SREBF2: variants seen among roughly 807,000 people sequenced by gnomAD.
SREBF2 encodes the protein sterol regulatory element-binding protein 2.
In SREBF2, 55 loss-of-function variants were observed where a neutral mutation model predicts 113.1. The ratio of observed to expected loss-of-function variants is 0.49; its 90% CI spans 0.39 to 0.61. The LOEUF (loss-of-function observed/expected upper bound fraction) is 0.61. Among genes scored for constraint, SREBF2 ranks in the 20% least tolerant of loss-of-function variants. The pLI, the probability that SREBF2 is intolerant of heterozygous loss-of-function variation, is 0.00. For missense variants in SREBF2, 1,349 were observed against 1,487.4 expected (o/e 0.91, Z 1.53); for synonymous variants, 593 against 605.7 (o/e 0.98, Z 0.31).
chr22:41,839,939 A>C (rs2076812011), intron 1 of SREBF2, among the ~76,000 whole-genome samples: 1 of 144,430 alleles, frequency 6.9e-6, no homozygotes, highest in South Asian at 2.2e-4. Flanking sequence ...AGTCCCATTT[A>C]TTCACATGCT....
chr22:41,897,219 C>A, intron 14 of SREBF2, 58 bp downstream of exon 14: 2 of 1,234,982 alleles, frequency 1.6e-6, no homozygotes, highest in Non-Finnish European at 2.3e-6. Context: ...CTTCACAGTG[C>A]TTTTGCCCCA....
At position 41,875,628 on chromosome 22, in the gene SREBF2, G is replaced by C. The variant is rs1356930108; in HGVS notation, c.1290G>C (p.Leu430=). 8 of 1,614,196 alleles carry C rather than the reference G, an allele frequency of 5.0e-6. No homozygotes were observed. The highest frequency in any genetic ancestry group is 1.3e-5 in the African/African-American group (1 of 75,038). ...AGGACTTTAATCAGAATGTCCTTCT[G>C]ATGTCCCCCCCAGCCTCTGACTCAG... ...KIEDFNQNVL[L]MSPPASDSGS... is the part of the protein sequence containing the mutation. The change falls in exon 7 of 19, where the codon CTG becomes CTC. Residue 430 remains leucine, a synonymous_variant. Coordinates refer to ENST00000361204, the MANE Select transcript of SREBF2 (RefSeq NM_004599.4).
intron 11 of SREBF2, among the ~76,000 whole-genome samples, chr22:41,890,962 A>T (rs1388457216): frequency 6.6e-6 from 1 of 151,962 alleles, no homozygotes; most frequent in Non-Finnish European, 1.5e-5. Context: ...TTACTTAGTG[A>T]TTTCCACATT....
chr22:41,855,252 G>C (rs1258581245), intron 1 of SREBF2, among the ~76,000 whole-genome samples: 1 of 152,190 alleles, frequency 6.6e-6, no homozygotes, highest in South Asian at 2.1e-4. Flanking sequence ...GCCAGATTCC[G>C]TGGTTCATGC....
intron 1 of SREBF2, among the ~76,000 whole-genome samples, chr22:41,859,905 T>A (rs2077010872): frequency 1.4e-5 from 2 of 145,246 alleles, no homozygotes; most frequent in Non-Finnish European, 3.0e-5. Context: ...TCCCAGGTTC[T>A]CGCCATTCTC....
intron 15 of SREBF2, chr22:41,899,923 A>C (rs1442959551): frequency 1.8e-6 from 2 of 1,135,404 alleles, no homozygotes; most frequent in Non-Finnish European, 2.2e-6. Flanking sequence ...CTACAGAAAG[A>C]AGCTAACTAA....
At chr22:41,848,355 G>A (rs2076897541) in intron 1 of SREBF2, among the ~76,000 whole-genome samples, 1 of 152,060 alleles carries the variant, frequency 6.6e-6, no homozygotes, top group Non-Finnish European at 1.5e-5. Context: ...CCAAAGTGCT[G>A]GGATTACAGG....
Position 41,899,071 on chromosome 22 carries a change from G to A in SREBF2, c.2738+290G>A, listed in dbSNP as rs930421866. ...CCTTCATGGCGCCACAGGCTGAAAAGAAGAGACGAGAGCAGTGTGGCCCCC... is the reference window on the plus strand; with the variant it reads ...CCTTCATGGCGCCACAGGCTGAAAAAAAGAGACGAGAGCAGTGTGGCCCCC... On this transcript the variant is annotated intron_variant, in intron 15 of 18. Transcript: ENST00000361204. 47 of 612,746 alleles carry A rather than the reference G, an allele frequency of 7.7e-5. No individual in the cohort carries two copies. In the African/African-American group the frequency reaches 7.8e-4, roughly 10 times the overall value. The allele number at this position is 612,746 out of a possible 1,614,324, so 38.0% of individuals were successfully genotyped here. A position where few individuals can be genotyped will look rare whatever the true frequency, so the allele number is the denominator to read the frequency against.
rs1204150898 is a variant in SREBF2 at position 41,864,261 on chromosome 22, T to TATATAC, written c.89-2569_89-2568insTATACA. On this transcript the variant is annotated intron_variant, in intron 1 of 18. Transcript: ENST00000361204. ...ATATATATATATATATATATATATA[T>TATATAC]ACACACACACACACACACACACAAA... is the stretch of plus-strand genomic sequence containing the variant. 5.6e-3 allele frequency among the ~76,000 whole-genome samples: 284 copies of TATATAC among 50,880 alleles called. 2 individuals are homozygous for TATATAC. The highest frequency in any genetic ancestry group is 0.011 in the Middle Eastern group (1 of 90). 33.4% of individuals were successfully genotyped at this position (50,880 alleles called of 152,430 possible).
Position 41,893,295 on chromosome 22 carries a change from C to T in SREBF2, c.2377+10C>T. The T allele has an allele frequency of 6.2e-7, 1 of 1,614,102 alleles. No homozygotes were observed. Among genetic ancestry groups the T allele is most frequent in the Non-Finnish European group, 8.5e-7 (1 of 1,180,022 alleles). On this transcript the variant is annotated intron_variant, in intron 12 of 18. Transcript: ENST00000361204. ...GCCCAGAGGAACCCAGGTGAGAATA[C>T]CTTGGAGCCATTCAGAATTGGAGAA...
Position 41,880,801 on chromosome 22 carries a change from C to A in SREBF2, c.1847C>A (p.Ala616Asp). 1.2e-6 allele frequency: 2 copies of A among 1,614,158 alleles called. No individual in the cohort carries two copies. The highest frequency in any genetic ancestry group is 1.7e-6 in the Non-Finnish European group (2 of 1,180,038). The change falls in exon 10 of 19, where the codon GCC becomes GAC. Residue 616 changes from alanine to aspartate, a missense_variant. Physicochemically the swap from Ala to Asp is moderately radical, Grantham distance 126. Around this residue, in one of 2 missense-constraint regions of SREBF2, gnomAD observed 699 missense variants for 843.3 expected, o/e 0.83. Transcript: ENST00000361204. ...RALPTSRLDL[A>D]CSLSWNVIRY... ...CTGCCCACCTCCCGCCTGGACCTGG[C>A]CTGCAGCCTCTCCTGGAACGTGATC...
At chr22:41,841,445 G>A (rs1345090270) in intron 1 of SREBF2, among the ~76,000 whole-genome samples, 2 of 152,172 alleles carry the variant, frequency 1.3e-5, no homozygotes, top group Non-Finnish European at 2.9e-5. Flanking sequence ...AGGTTGCTCA[G>A]ATCACGGCAC....
intron 13 of SREBF2, among the ~76,000 whole-genome samples, chr22:41,895,140 G>GT (rs371294741): frequency 0.014 from 1,905 of 138,084 alleles, 35 homozygotes; most frequent in African/African-American, 0.032. Flanking sequence ...GACCAAGTGC[G>GT]TTTTTTTTTT....
At chr22:41,867,727 A>C (rs2077098024) in intron 2 of SREBF2, among the ~76,000 whole-genome samples, 1 of 152,140 alleles carries the variant, frequency 6.6e-6, no homozygotes, top group East Asian at 1.9e-4. Context: ...GAATGGCGTG[A>C]ACCCGGGAGG....
chr22:41,897,930 A>G (rs2077430723), intron 14 of SREBF2, among the ~76,000 whole-genome samples: 1 of 152,226 alleles, frequency 6.6e-6, no homozygotes, highest in African/African-American at 2.4e-5. Flanking sequence ...ATATTCTAAC[A>G]GGAGCCTGTT....
At chr22:41,891,203 C>T (rs925092989) in intron 11 of SREBF2, 1 of 152,234 alleles carries the variant, frequency 6.6e-6, no homozygotes, top group Non-Finnish European at 1.5e-5. Flanking sequence ...ACCCCCCAAT[C>T]TCCCTCCCTG....
intron 10 of SREBF2, among the ~76,000 whole-genome samples, chr22:41,881,336 T>C (rs556670094): frequency 5.9e-5 from 9 of 152,244 alleles, no homozygotes; most frequent in Non-Finnish European, 1.3e-4. Flanking sequence ...CAATGAAATA[T>C]GATCATCTGT....
intron 16 of SREBF2, among the ~76,000 whole-genome samples, chr22:41,902,644 G>A (rs749563295): frequency 6.6e-6 from 1 of 152,122 alleles, no homozygotes; most frequent in Non-Finnish European, 1.5e-5. Flanking sequence ...AAGAACCTGC[G>A]CCTTCAACCC....
chr22:41,853,565 T>C (rs1237217406), intron 1 of SREBF2, among the ~76,000 whole-genome samples: 1 of 152,248 alleles, frequency 6.6e-6, no homozygotes, highest in Non-Finnish European at 1.5e-5. Flanking sequence ...TCTCTGTGCC[T>C]GGTACACAGT....
Sources: gnomAD v4.1 joint callset for allele counts (sites outside exome capture counted in the v4.1 genomes callset) on GRCh38, gnomAD v4.1.1 for gene constraint, gnomAD v4.1.1 regional missense constraint, MANE v1.5 for transcripts, NCBI Gene and HGNC (gene_info 2026-07-23, HGNC 2026-07-21) for gene names.